SLC2A13: variants seen among roughly 807,000 people sequenced by gnomAD.
The protein encoded by SLC2A13 is proton myo-inositol cotransporter.
In SLC2A13, 32 loss-of-function variants were observed where a neutral mutation model predicts 64.4. The ratio of observed to expected loss-of-function variants is 0.50; its 90% CI spans 0.37 to 0.67. The LOEUF is 0.67. SLC2A13 is among the 30% of genes least tolerant of loss of function. The pLI is 0.00. For missense variants in SLC2A13, 743 were observed against 829.2 expected, an observed-to-expected ratio of 0.90 and a Z score of 1.28; for synonymous variants, 338 against 327.1, an observed-to-expected ratio of 1.03 and a Z score of -0.36.
chr12:40,009,065 C>T (rs567535336), intron 3 of SLC2A13, among the ~76,000 whole-genome samples: 9 of 152,268 alleles, frequency 5.9e-5, no homozygotes, highest in Non-Finnish European at 1.2e-4. Flanking sequence ...CTTAATAATA[C>T]ATGCATTATG....
chr12:39,820,010 T>C (rs1214959762), intron 7 of SLC2A13: 1 of 152,196 alleles, frequency 6.6e-6, no homozygotes, highest in East Asian at 1.9e-4. Flanking sequence ...AATTCTGTTA[T>C]ATAATCCAAC....
intron 7 of SLC2A13, among the ~76,000 whole-genome samples, chr12:39,792,482 A>G (rs2135766543): frequency 6.6e-6 from 1 of 152,242 alleles, no homozygotes; most frequent in South Asian, 2.1e-4. Context: ...TCTGGCATGT[A>G]TTTGGGATAA....
At chr12:39,851,759 C>T (rs1291728995) in intron 6 of SLC2A13, among the ~76,000 whole-genome samples, 1 of 152,152 alleles carries the variant, frequency 6.6e-6, no homozygotes, top group Non-Finnish European at 1.5e-5. Flanking sequence ...ACATGCTGAG[C>T]TTTGAGTCAT....
chr12:39,994,338 G>A (rs150075187), intron 3 of SLC2A13, among the ~76,000 whole-genome samples: 65 of 149,204 alleles, frequency 4.4e-4, no homozygotes, highest in African/African-American at 1.4e-3. Context: ...AGCCGAGATT[G>A]TGCCACTGTA....
At chr12:39,805,708 A>C (rs1482914857) in intron 7 of SLC2A13, among the ~76,000 whole-genome samples, 2 of 152,210 alleles carry the variant, frequency 1.3e-5, no homozygotes, top group Non-Finnish European at 1.5e-5. Context: ...GGCAAAGGTA[A>C]GTGAAGGGAG....
intron 7 of SLC2A13, among the ~76,000 whole-genome samples, chr12:39,803,590 A>G (rs1171556984): frequency 6.6e-6 from 1 of 152,170 alleles, no homozygotes; most frequent in African/African-American, 2.4e-5. Flanking sequence ...ATATATATAG[A>G]GTCAGAAAAA....
intron 1 of SLC2A13, among the ~76,000 whole-genome samples, chr12:40,080,310 G>T (rs1592066224): frequency 6.6e-6 from 1 of 152,150 alleles, no homozygotes. Context: ...TCTCCTGAAG[G>T]TAGCATACAG....
intron 3 of SLC2A13, among the ~76,000 whole-genome samples, chr12:39,964,351 G>T (rs903529803): frequency 6.6e-6 from 1 of 152,174 alleles, no homozygotes; most frequent in Non-Finnish European, 1.5e-5. Context: ...AAAGGGTAGT[G>T]CTAAGTTCTC....
intron 3 of SLC2A13, among the ~76,000 whole-genome samples, chr12:39,965,509 C>A (rs1370479188): frequency 6.6e-6 from 1 of 152,110 alleles, no homozygotes; most frequent in Non-Finnish European, 1.5e-5. Flanking sequence ...ACTTACAAAC[C>A]TGGCTTAGAA....
intron 4 of SLC2A13, among the ~76,000 whole-genome samples, chr12:39,931,855 T>C (rs2136072985): frequency 6.6e-6 from 1 of 152,286 alleles, no homozygotes; most frequent in East Asian, 1.9e-4. Context: ...TTAGTTGTTT[T>C]GATTTTATAC....
intron 4 of SLC2A13, among the ~76,000 whole-genome samples, chr12:39,908,580 G>A (rs541616024): frequency 1.3e-5 from 2 of 152,016 alleles, no homozygotes; most frequent in African/African-American, 4.8e-5. Flanking sequence ...GGGAGGGGAA[G>A]AAAGCCAGGA....
chr12:39,846,709 C>T (rs566795288), intron 6 of SLC2A13, among the ~76,000 whole-genome samples: 1 of 152,270 alleles, frequency 6.6e-6, no homozygotes, highest in East Asian at 1.9e-4. Context: ...GCCTCGGCCT[C>T]CTAAAATGCT....
At chr12:39,989,586 T>C (rs1947096337) in intron 3 of SLC2A13, among the ~76,000 whole-genome samples, 1 of 152,188 alleles carries the variant, frequency 6.6e-6, no homozygotes. Context: ...GGCTGGGTTA[T>C]GGAGAATGCC....
At position 39,760,953 on chromosome 12, in the gene SLC2A13, A is replaced by AACACACACACACACACACAC. The variant is rs71449492; in HGVS notation, c.1721-721_1721-702dup. ...AACATGGTGAAACCTGTCTCTACCA[A>AACACACACACACACACACAC]ACACACACACACACACACACATAAT... On this transcript the variant is annotated intron_variant, in intron 9 of 9. Coordinates refer to ENST00000280871, the MANE Select transcript of SLC2A13 (RefSeq NM_052885.4). Among the ~76,000 whole-genome samples the AACACACACACACACACACAC allele has an allele frequency of 9.9e-3, 1,005 of 101,578 alleles. 42 individuals carry two copies. The highest frequency in any genetic ancestry group is 0.022 in the African/African-American group (626 of 28,218). The allele number at this position is 101,578 out of a possible 152,430, so 66.6% of individuals were successfully genotyped here.
At chr12:39,837,735 A>G (rs968226867) in intron 6 of SLC2A13, among the ~76,000 whole-genome samples, 31 of 152,238 alleles carry the variant, frequency 2.0e-4, no homozygotes, top group Non-Finnish European at 3.7e-4. Context: ...AAAACACATG[A>G]AAAAATGCTC....
intron 1 of SLC2A13, among the ~76,000 whole-genome samples, chr12:40,070,149 T>C (rs1196161800): frequency 6.8e-6 from 1 of 146,262 alleles, no homozygotes; most frequent in African/African-American, 2.5e-5. Context: ...ATAAAATCTA[T>C]GGCAGGAAAA....
intron 2 of SLC2A13, among the ~76,000 whole-genome samples, chr12:40,041,267 T>C (rs2136230166): frequency 6.6e-6 from 1 of 152,228 alleles, no homozygotes; most frequent in African/African-American, 2.4e-5. Context: ...AAGGCCGGCC[T>C]TCCCACTTCA....
Position 39,764,825 on chromosome 12 carries a change from A to G in SLC2A13, c.1479T>C (p.Asp493=), listed in dbSNP as rs1940289976. ...CENETKFKTE[D]IFWAYNFCPT... is the part of the protein sequence containing the mutation. ...GGCAGAAATTGTAAGCCCAAAATATATCTTCTGTTTTGAACTTGGTTTCAT... is the reference window on the plus strand; with the variant it reads ...GGCAGAAATTGTAAGCCCAAAATATGTCTTCTGTTTTGAACTTGGTTTCAT... Residue 493 remains aspartate, a synonymous_variant, in exon 8 of 10, where the codon GAT becomes GAC. Transcript: ENST00000280871. The G allele has an allele frequency of 2.5e-6, 4 of 1,612,414 alleles. No individual in the cohort carries two copies. Among genetic ancestry groups the G allele is most frequent in the Non-Finnish European group, 3.4e-6 (4 of 1,179,088 alleles).
intron 1 of SLC2A13, among the ~76,000 whole-genome samples, chr12:40,092,952 G>T (rs781208600): frequency 6.6e-6 from 1 of 152,208 alleles, no homozygotes; most frequent in South Asian, 2.1e-4. Context: ...AAAGAGAGGA[G>T]ACATTAGAGC....
Sources: gnomAD v4.1 joint callset for allele counts (sites outside exome capture counted in the v4.1 genomes callset) on GRCh38, gnomAD v4.1.1 for gene constraint, MANE v1.5 for transcripts, NCBI Gene and HGNC (gene_info 2026-07-23, HGNC 2026-07-21) for gene names.